AUTS2: variants seen among roughly 807,000 people sequenced by gnomAD.
AUTS2 encodes the protein autism susceptibility gene 2 protein.
AUTS2 carries 17 observed loss-of-function variants against 112.4 expected under a neutral mutation model. The ratio of observed to expected loss-of-function variants is 0.15; its 90% CI spans 0.10 to 0.23. The LOEUF is 0.23. AUTS2 is among the 10% of genes least tolerant of loss of function. AUTS2 has a pLI of 1.00. For synonymous variants in AUTS2, 751 were observed against 702.7 expected, an observed-to-expected ratio of 1.07 and a Z score of -1.09; for missense variants, 1,510 against 1,701.6, an observed-to-expected ratio of 0.89 and a Z score of 1.98.
At chr7:69,689,891 G>T (rs1340569656) in intron 1 of AUTS2, among the ~76,000 whole-genome samples, 4 of 140,204 alleles carry the variant, frequency 2.9e-5, no homozygotes, top group Non-Finnish European at 6.1e-5. Flanking sequence ...GTTTCACCAT[G>T]TCGGTCGGCC....
chr7:70,487,742 G>A (rs1254982513), intron 5 of AUTS2, among the ~76,000 whole-genome samples: 1 of 152,224 alleles, frequency 6.6e-6, no homozygotes, highest in African/African-American at 2.4e-5. Context: ...GCCGTGAGGA[G>A]CGAGGAGGAA....
At chr7:70,070,400 C>T (rs1200881399) in intron 2 of AUTS2, among the ~76,000 whole-genome samples, 1 of 146,954 alleles carries the variant, frequency 6.8e-6, no homozygotes, top group Non-Finnish European at 1.5e-5. Context: ...TGGCAAAACC[C>T]CGTCTCTTAA....
chr7:70,140,741 A>C (rs1806819882), intron 4 of AUTS2, among the ~76,000 whole-genome samples: 1 of 152,228 alleles, frequency 6.6e-6, no homozygotes, highest in African/African-American at 2.4e-5. Context: ...TATATTGACA[A>C]AAATCTATTA....
At chr7:70,561,631 A>T (rs1430992399) in intron 5 of AUTS2, among the ~76,000 whole-genome samples, 1 of 152,006 alleles carries the variant, frequency 6.6e-6, no homozygotes, top group African/African-American at 2.4e-5. Flanking sequence ...AGGTAACCAG[A>T]TGTGTATTAG....
At position 69,948,584 on chromosome 7, in the gene AUTS2, T is replaced by C. The variant is rs1203671123; in HGVS notation, c.522+49086T>C. ...ACAGAAAGGGGACAGAGCAGACTTA[T>C]TATTTTCCATCTTGTATGAATGGCT... On this transcript the variant is annotated intron_variant, in intron 2 of 18. Coordinates refer to ENST00000342771, the MANE Select transcript of AUTS2 (RefSeq NM_015570.4). Among the ~76,000 whole-genome samples, 4 of 152,122 alleles carry C rather than the reference T, an allele frequency of 2.6e-5. No homozygotes were observed. In the South Asian group the frequency reaches 8.3e-4, roughly 31 times the overall value.
At chr7:69,778,430 A>G (rs1429385203) in intron 1 of AUTS2, among the ~76,000 whole-genome samples, 1 of 151,592 alleles carries the variant, frequency 6.6e-6, no homozygotes, top group African/African-American at 2.4e-5. Flanking sequence ...GACCCCACCC[A>G]CTGTAGACCA....
chr7:70,560,733 A>G (rs1177730025), intron 5 of AUTS2, among the ~76,000 whole-genome samples: 1 of 152,226 alleles, frequency 6.6e-6, no homozygotes, highest in Non-Finnish European at 1.5e-5. Flanking sequence ...ATTTTGCTTC[A>G]CTGCTAGGTG....
intron 1 of AUTS2, among the ~76,000 whole-genome samples, chr7:69,879,539 A>G (rs1287620494): frequency 1.3e-5 from 2 of 152,090 alleles, no homozygotes; most frequent in African/African-American, 4.8e-5. Flanking sequence ...TTGTTCCTAG[A>G]GTACTAAATG....
At position 70,766,361 on chromosome 7, in the gene AUTS2, G is replaced by A. The variant is rs1281235036; in HGVS notation, c.1689+27G>A. 1 of 1,612,252 alleles carries A rather than the reference G, an allele frequency of 6.2e-7. No homozygotes were observed. Among genetic ancestry groups the A allele is most frequent in the South Asian group, 1.1e-5 (1 of 90,992 alleles). On this transcript the variant is annotated intron_variant, in intron 9 of 18. Transcript: ENST00000342771. This position sits in a 1 kb window ranked among gnomAD's most constrained non-coding sequence, Gnocchi z 4.8. Reference sequence around the variant, plus strand: ...TGCGTACCCCAGGCAGAAATGTGAGGATAAGTAGAGCACGACTCTTTTCTT... The same window carrying A: ...TGCGTACCCCAGGCAGAAATGTGAGAATAAGTAGAGCACGACTCTTTTCTT...
intron 5 of AUTS2, among the ~76,000 whole-genome samples, chr7:70,439,538 CAAAAAAAA>C (rs71077657): frequency 3.7e-4 from 27 of 73,282 alleles, no homozygotes; most frequent in Non-Finnish European, 3.6e-4. Context: ...GACTCCATCT[CAAAAAAAA>C]AAAAAAAAAA....
intron 1 of AUTS2, among the ~76,000 whole-genome samples, chr7:69,747,536 C>T (rs138278170): frequency 2.6e-5 from 4 of 152,272 alleles, no homozygotes; most frequent in African/African-American, 9.6e-5. Flanking sequence ...GTTTTGTTTT[C>T]AGCATGACAT....
At chr7:70,554,406 T>C (rs896402849) in intron 5 of AUTS2, among the ~76,000 whole-genome samples, 14 of 148,296 alleles carry the variant, frequency 9.4e-5, no homozygotes, top group African/African-American at 3.0e-4. Context: ...TTTTTTTTTT[T>C]TTTTTTTGAA....
At chr7:69,986,009 C>T (rs1042130027) in intron 2 of AUTS2, among the ~76,000 whole-genome samples, 2 of 152,138 alleles carry the variant, frequency 1.3e-5, no homozygotes, top group East Asian at 1.9e-4. Context: ...GCGATCCTCC[C>T]GCCTCGACCT....
At chr7:69,765,795 A>C (rs1263849740) in intron 1 of AUTS2, among the ~76,000 whole-genome samples, 1 of 151,944 alleles carries the variant, frequency 6.6e-6, no homozygotes, top group South Asian at 2.1e-4. Flanking sequence ...CAAAGAAAAA[A>C]AATTATCTGG....
intron 6 of AUTS2, chr7:70,729,119 G>A (rs1010198698): frequency 1.8e-5 from 8 of 455,980 alleles, no homozygotes; most frequent in Middle Eastern, 6.5e-4. Context: ...GGGCGAAAAC[G>A]ACGGCCACAC....
At chr7:70,142,953 T>C (rs1806941479) in intron 4 of AUTS2, among the ~76,000 whole-genome samples, 1 of 152,184 alleles carries the variant, frequency 6.6e-6, no homozygotes, top group South Asian at 2.1e-4. Flanking sequence ...ACAACCCTTA[T>C]TTTGATAGAT....
At chr7:70,105,652 G>C (rs1443521653) in intron 2 of AUTS2, among the ~76,000 whole-genome samples, 1 of 152,128 alleles carries the variant, frequency 6.6e-6, no homozygotes, top group African/African-American at 2.4e-5. Context: ...ATATACATTA[G>C]CACTGTAGCT....
intron 6 of AUTS2, among the ~76,000 whole-genome samples, chr7:70,748,552 G>C (rs1022418075): frequency 6.6e-6 from 1 of 152,172 alleles, no homozygotes; most frequent in Non-Finnish European, 1.5e-5. Flanking sequence ...CAGCTACGTA[G>C]GATGTAGCAC....
At chr7:70,650,397 G>A (rs1048630768) in intron 5 of AUTS2, among the ~76,000 whole-genome samples, 5 of 152,276 alleles carry the variant, frequency 3.3e-5, no homozygotes, top group Non-Finnish European at 5.9e-5. Context: ...TGAACTTGAG[G>A]GCTCTTGCCT....
Sources: allele counts gnomAD v4.1 joint callset (sites outside exome capture counted in the v4.1 genomes callset), GRCh38; gene constraint gnomAD v4.1.1; non-coding constraint Gnocchi (gnomAD v3.1); transcripts MANE v1.5; gene names NCBI Gene and HGNC (gene_info 2026-07-23, HGNC 2026-07-21).